The following GALNT3 variants were observed in gnomAD, a reference collection of about 807,000 sequenced individuals.
GALNT3 encodes GalNAc transferase 3.
A neutral mutation model predicts 69.8 loss-of-function variants in GALNT3; 51 were observed. The observed-to-expected ratio is 0.73, with a 90% CI of 0.58 to 0.92. The LOEUF is 0.92. Among genes scored for constraint, GALNT3 ranks in the 40% least tolerant of loss-of-function variants. The probability of loss-of-function intolerance (pLI) is 0.00; values close to 1 mark genes in which losing one functional copy is unlikely to be tolerated. For synonymous variants in GALNT3, 265 were observed against 248.5 expected, an observed-to-expected ratio of 1.07 and a Z score of -0.63; for missense variants, 711 against 760.0, an observed-to-expected ratio of 0.94 and a Z score of 0.76.
At chr2:165,769,015 A>G (rs1310310317) in intron 2 of GALNT3, among the ~76,000 whole-genome samples, 1 of 147,924 alleles carries the variant, frequency 6.8e-6, no homozygotes, top group Non-Finnish European at 1.5e-5. Flanking sequence ...GGCTGCTCTC[A>G]AACTCCTGAC....
At chr2:165,763,059 C>G (rs1179479772) in intron 3 of GALNT3, among the ~76,000 whole-genome samples, 1 of 151,898 alleles carries the variant, frequency 6.6e-6, no homozygotes, top group East Asian at 1.9e-4. Context: ...CCTCAGCCTC[C>G]CAAAATGCTG....
At position 165,770,774 on chromosome 2, in the gene GALNT3, A is replaced by G. The variant is rs1435221562; in HGVS notation, c.-74T>C. 6.6e-7 allele frequency: 1 copy of G among 1,525,184 alleles called. No individual in the cohort carries two copies. Among genetic ancestry groups the G allele is most frequent in the Non-Finnish European group, 8.9e-7 (1 of 1,125,440 alleles). 94.5% of individuals were successfully genotyped at this position (1,525,184 alleles called of 1,614,324 possible). A position where few individuals can be genotyped will look rare whatever the true frequency, so the allele number is the denominator to read the frequency against. On this transcript the variant is annotated 5_prime_UTR_variant, in exon 2 of 11. Transcript: ENST00000392701. Reference sequence around the variant, plus strand: ...CTGTTACTTATATTTTTTATCATAGATTTGCTGAGAAGAAGGTATCTTTAA... The same window carrying G: ...CTGTTACTTATATTTTTTATCATAGGTTTGCTGAGAAGAAGGTATCTTTAA...
intron 1 of GALNT3, among the ~76,000 whole-genome samples, chr2:165,791,867 G>A (rs766052046): frequency 6.6e-6 from 1 of 152,146 alleles, no homozygotes; most frequent in South Asian, 2.1e-4. Context: ...TAGTTTCCAC[G>A]AAGTCAGGCA....
intron 3 of GALNT3, among the ~76,000 whole-genome samples, chr2:165,763,294 G>A (rs1478715401): frequency 1.3e-5 from 2 of 152,150 alleles, no homozygotes; most frequent in Non-Finnish European, 2.9e-5. Context: ...AGAAGGAAAT[G>A]CAGATGACTT....
chr2:165,751,629 GGA>G (rs1688359698), intron 9 of GALNT3, among the ~76,000 whole-genome samples: 1 of 152,150 alleles, frequency 6.6e-6, no homozygotes, highest in South Asian at 2.1e-4. Flanking sequence ...TGTGAATGTT[GGA>G]GAGACCCATT....
At chr2:165,750,036 A>T (rs1387988756) in intron 9 of GALNT3, 142 bp from the exon 10 acceptor site, 1 of 808,958 alleles carries the variant, frequency 1.2e-6, no homozygotes, top group Middle Eastern at 3.5e-4. Context: ...TATTAGAAAC[A>T]TAAGCTGAGT....
In GALNT3 at chr2:165,764,959, C is replaced by G. The variant is rs1688612113; in HGVS notation, c.613G>C (p.Val205Leu). 1 of 1,614,184 alleles carries G rather than the reference C, an allele frequency of 6.2e-7. No individual in the cohort carries two copies. Among genetic ancestry groups the G allele is most frequent in the Middle Eastern group, 1.6e-4 (1 of 6,062 alleles). ...NEAWSTLLRT[V>L]HSVLYSSPAI... ...GGTGAAGAATAGAGCACACTGTGGA[C>G]AGTTCTAAGCAACGTGGACCACGCT... is the stretch of plus-strand genomic sequence containing the variant. The change falls in exon 3 of 11, where the codon GTC becomes CTC. Residue 205 changes from valine (V) to leucine (L), a missense_variant. Transcript: ENST00000392701.
At position 165,769,437 on chromosome 2, in the gene GALNT3, T is replaced by TAATAATAATAATA. The variant is rs372741283; in HGVS notation, c.515+748_515+749insTATTATTATTATT. Among the ~76,000 whole-genome samples the TAATAATAATAATA allele has an allele frequency of 1.4e-3, 170 of 117,974 alleles. No individual in the cohort carries two copies. The East Asian group carries it at 0.042, about 29-fold the overall frequency. The allele number at this position is 117,974 out of a possible 152,430, so 77.4% of individuals were successfully genotyped here. ...ATAATAATAATAATAATAATAATAA[T>TAATAATAATAATA]AATAAATAAATAAATAAATAATCTG... On this transcript the variant is annotated intron_variant, in intron 2 of 10. Coordinates refer to ENST00000392701, the MANE Select transcript of GALNT3 (RefSeq NM_004482.4).
In GALNT3 at chr2:165,770,760, AT is replaced by A. The variant is rs1203585170; in HGVS notation, c.-61del. The stretch of plus-strand genomic sequence containing the variant: ...AGTTATTTCTTCTTCTGTTACTTAT[AT>A]TTTTTATCATAGATTTGCTGAGAAG... On this transcript the variant is annotated 5_prime_UTR_variant, in exon 2 of 11. The change creates a premature stop within an existing upstream ORF in the 5' untranslated region. Coordinates refer to ENST00000392701, the MANE Select transcript of GALNT3 (RefSeq NM_004482.4). 1 of 1,554,858 alleles carries A rather than the reference AT, an allele frequency of 6.4e-7. No homozygotes were observed. The highest frequency in any genetic ancestry group is 8.7e-7 in the Non-Finnish European group (1 of 1,149,570).
At chr2:165,769,235 G>A (rs1688704024) in intron 2 of GALNT3, among the ~76,000 whole-genome samples, 1 of 144,760 alleles carries the variant, frequency 6.9e-6, no homozygotes, top group South Asian at 2.2e-4. Flanking sequence ...GTGAAACCCT[G>A]TCTCTATTAA....
At chr2:165,758,150 T>G (rs1292022323) in intron 6 of GALNT3, among the ~76,000 whole-genome samples, 1 of 152,164 alleles carries the variant, frequency 6.6e-6, no homozygotes, top group African/African-American at 2.4e-5. Context: ...TGCCAGTATG[T>G]GATGGAGCCA....
At chr2:165,769,816 G>A (rs1688717161) in intron 2 of GALNT3, among the ~76,000 whole-genome samples, 1 of 152,052 alleles carries the variant, frequency 6.6e-6, no homozygotes, top group African/African-American at 2.4e-5. Flanking sequence ...AAGAAATACA[G>A]AGAAATGGAA....
rs145900670 is a variant in GALNT3, at chr2:165,766,552, T to C, written c.516-1496A>G. 6.9e-3 allele frequency among the ~76,000 whole-genome samples: 866 copies of C among 124,634 alleles called. 7 individuals are homozygous for C. Among genetic ancestry groups the C allele is most frequent in the African/African-American group, 0.022 (841 of 37,486 alleles). 81.8% of individuals were successfully genotyped at this position (124,634 alleles called of 152,430 possible). A position where few individuals can be genotyped will look rare whatever the true frequency, so the allele number is the denominator to read the frequency against. ...GGTGAGGATTAAATGAAAGAACATA[T>C]AGGAGAGGGCTTCAAGTCACTGGGA... On this transcript the variant is annotated intron_variant, in intron 2 of 10. Coordinates refer to ENST00000392701, the MANE Select transcript of GALNT3 (RefSeq NM_004482.4).
At chr2:165,758,419 C>T (rs1573998830) in intron 6 of GALNT3, among the ~76,000 whole-genome samples, 1 of 152,142 alleles carries the variant, frequency 6.6e-6, no homozygotes, top group Non-Finnish European at 1.5e-5. Flanking sequence ...TCCATTCTAA[C>T]TCCCTTGATG....
intron 1 of GALNT3, among the ~76,000 whole-genome samples, chr2:165,771,079 T>C (rs1688745042): frequency 1.3e-5 from 2 of 152,092 alleles, no homozygotes; most frequent in Non-Finnish European, 1.5e-5. Flanking sequence ...CTATATACTA[T>C]GTATAAAATT....
rs1414294903 is a variant in GALNT3, at chr2:165,753,902, A to G, written c.1626+725T>C. On this transcript the variant is annotated intron_variant, in intron 9 of 10. Transcript: ENST00000392701. ...TTAATTTATAATGCTCTATTTTGTT[A>G]TTAACACTTGATGTAATTTGTGATT... 2.6e-5 allele frequency among the ~76,000 whole-genome samples: 4 copies of G among 152,310 alleles called. No individual in the cohort carries two copies. In the East Asian group the frequency reaches 7.7e-4, roughly 29 times the overall value.
intron 1 of GALNT3, among the ~76,000 whole-genome samples, chr2:165,788,164 TA>T (rs1210213508): frequency 6.6e-6 from 1 of 151,634 alleles, no homozygotes. Flanking sequence ...CCGTCTCTAT[TA>T]AAAATACAAA....
chr2:165,754,417 T>TA (rs1688408173), intron 9 of GALNT3, among the ~76,000 whole-genome samples: 1 of 88,758 alleles, frequency 1.1e-5, no homozygotes, highest in Non-Finnish European at 2.3e-5. Context: ...TTTTTTTTTT[T>TA]AATGGTTAAG....
At chr2:165,784,106 A>G (rs1024974611) in intron 1 of GALNT3, among the ~76,000 whole-genome samples, 3 of 152,180 alleles carry the variant, frequency 2.0e-5, no homozygotes, top group Admixed American at 6.5e-5. Context: ...GCTGGCCTCA[A>G]GTAGGGTAAT....
Sources: gnomAD v4.1 joint callset for allele counts (sites outside exome capture counted in the v4.1 genomes callset) on GRCh38, gnomAD v4.1.1 for gene constraint, MANE v1.5 for transcripts, NCBI Gene and HGNC (gene_info 2026-07-23, HGNC 2026-07-21) for gene names.